RND1: variants seen among roughly 807,000 people sequenced by gnomAD.
RND1 encodes the protein rho-related GTP-binding protein Rho6.
A neutral mutation model predicts 27.1 loss-of-function variants in RND1; 9 were observed. That is an observed-to-expected ratio of 0.33 (90% CI 0.20 to 0.58). The LOEUF (loss-of-function observed/expected upper bound fraction) is 0.58, where lower values mean the gene tolerates loss of function less well. Among genes scored for constraint, RND1 ranks in the 20% least tolerant of loss-of-function variants. The probability of loss-of-function intolerance (pLI) is 0.86; values close to 1 mark genes in which losing one functional copy is unlikely to be tolerated. For missense variants in RND1, 253 were observed against 292.2 expected, an observed-to-expected ratio of 0.87 and a Z score of 0.98; for synonymous variants, 108 against 115.7, an observed-to-expected ratio of 0.93 and a Z score of 0.43.
At chr12:48,864,546 C>T (rs957185364) in intron 2 of RND1, among the ~76,000 whole-genome samples, 1 of 152,008 alleles carries the variant, frequency 6.6e-6, no homozygotes, top group Non-Finnish European at 1.5e-5. Context: ...ACCATCCCAG[C>T]CCTCTAAAGG....
chr12:48,862,920 C>A (rs1282570726), intron 2 of RND1, among the ~76,000 whole-genome samples: 1 of 152,060 alleles, frequency 6.6e-6, no homozygotes, highest in East Asian at 1.9e-4. Context: ...TAGCAAGCAG[C>A]CCCTCTCCCT....
chr12:48,858,387 T>A, intron 4 of RND1, 146 bp from the exon 5 acceptor site: 1 of 862,334 alleles, frequency 1.2e-6, no homozygotes, highest in Non-Finnish European at 1.7e-6. Flanking sequence ...CGATTATCTT[T>A]TCTTTTTTTT....
At chr12:48,860,319 A>C (rs1938903680) in intron 4 of RND1, among the ~76,000 whole-genome samples, 1 of 151,752 alleles carries the variant, frequency 6.6e-6, no homozygotes, top group African/African-American at 2.4e-5. Flanking sequence ...CCTGAGCTCA[A>C]GTGATCCATC....
At chr12:48,863,997 G>C (rs1393870327) in intron 2 of RND1, among the ~76,000 whole-genome samples, 1 of 152,130 alleles carries the variant, frequency 6.6e-6, no homozygotes, top group Non-Finnish European at 1.5e-5. Flanking sequence ...TAAGGGCTTG[G>C]GGCTGAGAGG....
intron 1 of RND1, 154 bp downstream of exon 1, chr12:48,865,494 T>A: frequency 1.1e-6 from 1 of 880,494 alleles, no homozygotes; most frequent in Non-Finnish European, 1.8e-6. Context: ...AGGGCAGTCC[T>A]CCAGCCAAAA....
At position 48,864,836 on chromosome 12, in the gene RND1, G is replaced by T. The variant is rs1262169341; in HGVS notation, c.155C>A (p.Ala52Asp). The T allele has an allele frequency of 1.2e-6, 2 of 1,613,928 alleles. No homozygotes were observed. The highest frequency in any genetic ancestry group is 2.7e-5 in the African/African-American group (2 of 74,900). ...CCTCTGTTCCTCTGTCTCCAAACAG[G>T]CTGTGTAATTTTCGAACACGGTGGG... ...YVPTVFENYT[A>D]CLETEEQRVE... The change falls in exon 2 of 5, where the codon GCC (alanine) becomes GAC (aspartate). Residue 52 changes from alanine (A) to aspartate (D), a missense_variant. Ala to Asp is a moderately radical substitution (Grantham distance 126, BLOSUM62 -2). Transcript: ENST00000309739.
Position 48,857,673 on chromosome 12 carries a change from G to T in RND1, c.*323C>A, listed in dbSNP as rs776738136. On this transcript the variant is annotated 3_prime_UTR_variant, in exon 5 of 5. Transcript: ENST00000309739. ...GAGGCATGAAGCTGAAGGTGAGGCT[G>T]CTGTAGGCCCCCAAGCCCATGAGGC... The T allele has an allele frequency of 4.7e-6, 1 of 214,700 alleles. No individual in the cohort carries two copies. The highest frequency in any genetic ancestry group is 9.2e-6 in the Non-Finnish European group (1 of 108,600). 13.3% of individuals were successfully genotyped at this position (214,700 alleles called of 1,614,324 possible).
Position 48,857,871 on chromosome 12 carries a change from G to T in RND1, c.*125C>A. The T allele has an allele frequency of 8.5e-7, 1 of 1,173,822 alleles. No individual in the cohort carries two copies. Among genetic ancestry groups the T allele is most frequent in the Non-Finnish European group, 1.2e-6 (1 of 846,208 alleles). The allele number at this position is 1,173,822 out of a possible 1,614,324, so 72.7% of individuals were successfully genotyped here. A position where few individuals can be genotyped will look rare whatever the true frequency, so the allele number is the denominator to read the frequency against. ...TCGCCCCATTCCTGTCTCCTTCCAA[G>T]CCCTCACCGTGGCCATCTGAAAAAC... On this transcript the variant is annotated 3_prime_UTR_variant, in exon 5 of 5. Transcript: ENST00000309739.
At chr12:48,858,389 C>CTTTTTT (rs566310279) in intron 4 of RND1, 148 bp from the exon 5 acceptor site, 8 of 541,218 alleles carry the variant, frequency 1.5e-5, no homozygotes, top group Non-Finnish European at 2.3e-5. Flanking sequence ...ATTATCTTTT[C>CTTTTTT]TTTTTTTTTT....
In RND1 at chr12:48,858,211, C is replaced by G. The variant is rs1280162358; in HGVS notation, c.484G>C (p.Glu162Gln). The change falls in exon 5 of 5, where the codon GAA (glutamate) becomes CAA (glutamine). Residue 162 changes from glutamate to glutamine, a missense_variant. Glu to Gln is a conservative substitution (Grantham distance 29). Transcript: ENST00000309739. ...AAAGCTGAGCCTTCCAGGTAGATTT[C>G]TGCACCCAGCTGCTTTGCTATTGCA... ...GCAIAKQLGA[E>Q]IYLEGSAFTS... is the part of the protein sequence containing the mutation. The G allele has an allele frequency of 8.7e-6, 14 of 1,613,976 alleles. No homozygotes were observed. The highest frequency in any genetic ancestry group is 1.2e-5 in the Non-Finnish European group (14 of 1,180,020).
At chr12:48,863,439 C>T (rs989773054) in intron 2 of RND1, among the ~76,000 whole-genome samples, 15 of 151,734 alleles carry the variant, frequency 9.9e-5, no homozygotes, top group Admixed American at 5.3e-4. Context: ...GGGGGGAGGG[C>T]GTTTGGGCGG....
At chr12:48,865,438 C>G (rs1269447770) in intron 1 of RND1, 3 of 596,074 alleles carry the variant, frequency 5.0e-6, no homozygotes, top group South Asian at 1.9e-5. Context: ...TGAGGAGGAG[C>G]CAGCGGGGCG....
Position 48,857,227 on chromosome 12 carries a change from C to G in RND1, c.*769G>C, listed in dbSNP as rs1938852869. On this transcript the variant is annotated 3_prime_UTR_variant, in exon 5 of 5. Transcript: ENST00000309739. The stretch of plus-strand genomic sequence containing the variant: ...ACATATAACAGATTGAAACACTCCC[C>G]CCCTCCCCCCAATTCCAAAGACAAG... The G allele has an allele frequency of 6.6e-6, 1 of 150,768 alleles. No individual in the cohort carries two copies. The highest frequency in any genetic ancestry group is 1.5e-5 in the Non-Finnish European group (1 of 67,680). The allele number at this position is 150,768 out of a possible 1,614,324, so 9.3% of individuals were successfully genotyped here.
rs1185999045 is a variant in RND1, at chr12:48,865,743, G to C, written c.25C>G (p.Pro9Ala). 2 of 1,606,994 alleles carry C rather than the reference G, an allele frequency of 1.2e-6. No homozygotes were observed. The highest frequency in any genetic ancestry group is 1.7e-6 in the Non-Finnish European group (2 of 1,174,734). The change falls in exon 1 of 5, where the codon CCA becomes GCA. Residue 9 changes from proline (P) to alanine (A), a missense_variant. Coordinates refer to ENST00000309739, the MANE Select transcript of RND1 (RefSeq NM_014470.4). The stretch of plus-strand genomic sequence containing the variant: ...ACGAGCTTACATCTGGCCACGACTG[G>C]CTGGGGGGCCCGTCTCTCCTTCATG... The part of the protein sequence containing the change: MKERRAPQ[P>A]VVARCKLVLV...
At chr12:48,858,734 T>C (rs1938876311) in intron 4 of RND1, 1 of 152,934 alleles carries the variant, frequency 6.5e-6, no homozygotes. Flanking sequence ...AAAAAATGTT[T>C]AAAAATTCAC....
rs1555172277 is a variant in RND1, at chr12:48,864,428, C to CACGT, written c.208+354_208+355insACGT. Among the ~76,000 whole-genome samples, 150 of 147,564 alleles carry CACGT rather than the reference C, an allele frequency of 1.0e-3. 3 individuals carry two copies. The highest frequency in any genetic ancestry group is 3.7e-3 in the African/African-American group (144 of 38,854). ...GTGTGTGTGTGTGTGCGCGCGCGCG[C>CACGT]GTGTGTGTGCATGTGTGTACGCGTG... On this transcript the variant is annotated intron_variant, in intron 2 of 4. Coordinates refer to ENST00000309739, the MANE Select transcript of RND1 (RefSeq NM_014470.4).
rs1274174966 is a variant in RND1 at position 48,857,908 on chromosome 12, G to C, written c.*88C>G. On this transcript the variant is annotated 3_prime_UTR_variant, in exon 5 of 5. Coordinates refer to ENST00000309739, the MANE Select transcript of RND1 (RefSeq NM_014470.4). ...GCCATCTGAAAAACTCATGTCCAGT[G>C]TCCTAAATTGTCTCATCCTCCCTCT... The C allele has an allele frequency of 2.0e-6, 3 of 1,478,842 alleles. No homozygotes were observed. Among genetic ancestry groups the C allele is most frequent in the Non-Finnish European group, 2.7e-6 (3 of 1,100,754 alleles). 91.6% of individuals were successfully genotyped at this position (1,478,842 alleles called of 1,614,324 possible).
At chr12:48,858,432 C>T (rs1321011310) in intron 4 of RND1, 191 bp from the exon 5 acceptor site, 4 of 578,166 alleles carry the variant, frequency 6.9e-6, no homozygotes, top group African/African-American at 1.9e-5. Flanking sequence ...CTGATGATGC[C>T]TCTTTTTCTT....
chr12:48,864,632 C>T (rs1938963094), intron 2 of RND1, 151 bp downstream of exon 2: 1 of 666,758 alleles, frequency 1.5e-6, no homozygotes, highest in South Asian at 1.6e-5. Flanking sequence ...CAACTGAGTC[C>T]ACCAACTGTC....
Sources: gnomAD v4.1 joint callset for allele counts (sites outside exome capture counted in the v4.1 genomes callset) on GRCh38, gnomAD v4.1.1 for gene constraint, MANE v1.5 for transcripts, NCBI Gene and HGNC (gene_info 2026-07-23, HGNC 2026-07-21) for gene names.